Variants in MLF1 observed in about 807,000 individuals in gnomAD.
MLF1 encodes myeloid leukemia factor 1.
MLF1 carries 37 observed loss-of-function variants against 38.3 expected under a neutral mutation model. That is an observed-to-expected ratio of 0.96 (90% CI 0.74 to 1.27). The LOEUF (loss-of-function observed/expected upper bound fraction) is 1.27, where lower values mean the gene tolerates loss of function less well. Among genes scored for constraint, MLF1 ranks in the 50% most tolerant of loss-of-function variants. The pLI is 0.00. For synonymous variants in MLF1, 95 were observed against 106.5 expected (o/e 0.89, Z 0.66); for missense variants, 331 against 349.2 (o/e 0.95, Z 0.42).
At chr3:158,588,632 A>G (rs1717671824) in intron 1 of MLF1, among the ~76,000 whole-genome samples, 2 of 152,036 alleles carry the variant, frequency 1.3e-5, no homozygotes, top group Admixed American at 1.3e-4. Flanking sequence ...AAAGCAGAAA[A>G]AAACTGCCCT....
At chr3:158,602,663 C>A in intron 6 of MLF1, 144 bp from the exon 7 acceptor site, 4 of 609,198 alleles carry the variant, frequency 6.6e-6, no homozygotes, top group Admixed American at 7.2e-5. Context: ...TGTCAAAGAC[C>A]CTTATATTTG....
rs572680119 is a variant in MLF1, at chr3:158,598,001, GTGT to G, written c.325-74_325-72del. The G allele has an allele frequency of 2.4e-4, 343 of 1,419,318 alleles. 5 individuals are homozygous for G. The South Asian group carries it at 3.8e-3, about 16-fold the overall frequency. The allele number at this position is 1,419,318 out of a possible 1,614,324, so 87.9% of individuals were successfully genotyped here. A position where few individuals can be genotyped will look rare whatever the true frequency, so the allele number is the denominator to read the frequency against. On this transcript the variant is annotated intron_variant, in intron 4 of 7. Coordinates refer to ENST00000466246, the MANE Select transcript of MLF1 (RefSeq NM_001369783.1). ...GTATCCTTAGTAGAACTTACAGCTA[GTGT>G]TGTTACTTATTTGAACTCTCTGGCA... is the stretch of plus-strand genomic sequence containing the variant.
In MLF1 at chr3:158,590,093, G is replaced by A. The variant is rs146514718; in HGVS notation, c.48-2341G>A. ...GTGGCTGAATATATTCATGTTAAGAGAATGAAAAAGGCAAGTCCAAGACTG... is the reference window on the plus strand; with the variant it reads ...GTGGCTGAATATATTCATGTTAAGAAAATGAAAAAGGCAAGTCCAAGACTG... On this transcript the variant is annotated intron_variant, in intron 1 of 7. Transcript: ENST00000466246. Among the ~76,000 whole-genome samples the A allele has an allele frequency of 5.6e-3, 850 of 152,174 alleles. 6 individuals are homozygous for A. Among genetic ancestry groups the A allele is most frequent in the African/African-American group, 0.019 (808 of 41,518 alleles).
intron 6 of MLF1, 45 bp downstream of exon 6, chr3:158,600,218 A>C: frequency 7.9e-7 from 1 of 1,261,952 alleles, no homozygotes; most frequent in Non-Finnish European, 1.0e-6. Flanking sequence ...TAAATTTAAA[A>C]TAACAGCCGT....
At chr3:158,580,562 T>G (rs142922709) in intron 1 of MLF1, among the ~76,000 whole-genome samples, 39 of 152,284 alleles carry the variant, frequency 2.6e-4, no homozygotes, top group African/African-American at 9.4e-4. Flanking sequence ...TTTGCTAGAA[T>G]AGTGATTCTC....
chr3:158,590,248 A>ACAAATAAT (rs1466706580), intron 1 of MLF1, among the ~76,000 whole-genome samples: 1 of 152,214 alleles, frequency 6.6e-6, no homozygotes, highest in East Asian at 1.9e-4. Flanking sequence ...TACATGAATG[A>ACAAATAAT]CAAATAATAC....
intron 3 of MLF1, among the ~76,000 whole-genome samples, chr3:158,594,969 TATTC>T (rs1289791648): frequency 1.3e-5 from 2 of 152,160 alleles, no homozygotes; most frequent in African/African-American, 4.8e-5. Flanking sequence ...AGAGATAATT[TATTC>T]ATTCATTCAT....
At chr3:158,588,621 AAAAG>A (rs1560103412) in intron 1 of MLF1, among the ~76,000 whole-genome samples, 2 of 100,708 alleles carry the variant, frequency 2.0e-5, no homozygotes, top group Non-Finnish European at 1.8e-5. Flanking sequence ...AAAAAAAAAA[AAAAG>A]CAGAAAAAAA....
chr3:158,589,635 TTTAAAA>T lies in MLF1; in HGVS notation c.48-2786_48-2781del, dbSNP rs1169788818. ...AAAGAGGAGTGAGACTTTTGTATATTTTAAAATTAAAATTAAAAAACTTGTATTAGT... is the reference window on the plus strand; with the variant it reads ...AAAGAGGAGTGAGACTTTTGTATATTTTAAAATTAAAAAACTTGTATTAGT... On this transcript the variant is annotated intron_variant, in intron 1 of 7. Transcript: ENST00000466246. Among the ~76,000 whole-genome samples, 7 of 152,232 alleles carry T rather than the reference TTTAAAA, an allele frequency of 4.6e-5. No individual in the cohort carries two copies. In the South Asian group the frequency reaches 6.2e-4, roughly 13 times the overall value.
At position 158,600,000 on chromosome 3, in the gene MLF1, C is replaced by A. The variant is rs752512227; in HGVS notation, c.454-14C>A. ...ATATATTTAAATAATAATAAAATTT[C>A]TTTATTTTTACAGATAAAGGAAACC... On this transcript the variant is annotated splice_polypyrimidine_tract_variant and intron_variant, in intron 5 of 7. Transcript: ENST00000466246. 5.4e-6 allele frequency: 7 copies of A among 1,300,140 alleles called. No individual in the cohort carries two copies. In the African/African-American group the frequency reaches 6.2e-5, roughly 11 times the overall value. The allele number at this position is 1,300,140 out of a possible 1,614,324, so 80.5% of individuals were successfully genotyped here.
chr3:158,601,200 C>T (rs574181987), intron 6 of MLF1, among the ~76,000 whole-genome samples: 285 of 151,324 alleles, frequency 1.9e-3, no homozygotes, highest in Non-Finnish European at 2.1e-3. Flanking sequence ...TTTGAGAGGC[C>T]GAGGCAGGTA....
intron 4 of MLF1, among the ~76,000 whole-genome samples, chr3:158,597,400 G>A (rs145749268): frequency 1.3e-5 from 2 of 152,024 alleles, no homozygotes; most frequent in Non-Finnish European, 2.9e-5. Context: ...AAGAGTTTCA[G>A]GGTTTTATAA....
At chr3:158,596,387 A>C (rs903448202) in intron 3 of MLF1, among the ~76,000 whole-genome samples, 1 of 152,114 alleles carries the variant, frequency 6.6e-6, no homozygotes, top group African/African-American at 2.4e-5. Flanking sequence ...TACTTACTCG[A>C]GGGACAACTT....
chr3:158,578,380 A>AGTGTGTGTGTGTGTGT (rs113149645), intron 1 of MLF1, among the ~76,000 whole-genome samples: 28 of 149,484 alleles, frequency 1.9e-4, no homozygotes, highest in African/African-American at 5.9e-4. Flanking sequence ...AGGCAAAATA[A>AGTGTGTGTGTGTGTGT]GTGTGTGTGT....
Position 158,592,530 on chromosome 3 carries a change from AG to A in MLF1, c.147del (p.Arg50GlufsTer15). On this transcript the variant is annotated frameshift_variant, in exon 2 of 8. Transcript: ENST00000466246. LOFTEE classifies it high-confidence loss of function. ...ACTTGCTCAGTATCTCTGATGGTAG[AG>A]GGAGAGCTCATAATCGTAGAGGACA... is the stretch of plus-strand genomic sequence containing the variant. ...RDLLSISDGR[G>X]RAHNRRGHND... The A allele has an allele frequency of 6.2e-7, 1 of 1,612,582 alleles. No individual in the cohort carries two copies. The highest frequency in any genetic ancestry group is 8.5e-7 in the Non-Finnish European group (1 of 1,179,604).
At chr3:158,589,499 C>T (rs112848609) in intron 1 of MLF1, among the ~76,000 whole-genome samples, 4 of 152,118 alleles carry the variant, frequency 2.6e-5, no homozygotes, top group South Asian at 4.1e-4. Flanking sequence ...CATGAGCCAC[C>T]GCGCCCAGCC....
chr3:158,592,635 A>G, intron 2 of MLF1, 54 bp downstream of exon 2: 2 of 1,398,152 alleles, frequency 1.4e-6, no homozygotes, highest in Non-Finnish European at 2.0e-6. Context: ...GAATTTGAAG[A>G]AAAGTATTAC....
chr3:158,602,660 G>A (rs561416888), intron 6 of MLF1, 147 bp from the exon 7 acceptor site: 2 of 586,424 alleles, frequency 3.4e-6, no homozygotes, highest in East Asian at 6.1e-5. Flanking sequence ...TTTTGTCAAA[G>A]ACCCTTATAT....
rs371659390 is a variant in MLF1 at position 158,592,463 on chromosome 3, T to C, written c.77T>C (p.Met26Thr). 4.3e-6 allele frequency: 7 copies of C among 1,610,380 alleles called. No homozygotes were observed. The highest frequency in any genetic ancestry group is 1.1e-5 in the South Asian group (1 of 90,644). Residue 26 changes from methionine (M) to threonine (T), a missense_variant, in exon 2 of 8, where the codon ATG becomes ACG. Physicochemically the swap from Met to Thr is moderately conservative, Grantham distance 81. Transcript: ENST00000466246. The part of the protein sequence containing the change: ...SESILAHREN[M>T]RQMIRSFSEP... ...TCCATTCTTGCACACCGAGAAAATATGCGACAGATGATAAGAAGTTTTTCT... is the reference window on the plus strand; with the variant it reads ...TCCATTCTTGCACACCGAGAAAATACGCGACAGATGATAAGAAGTTTTTCT...
Sources: gnomAD v4.1 joint callset for allele counts (sites outside exome capture counted in the v4.1 genomes callset) on GRCh38, gnomAD v4.1.1 for gene constraint, MANE v1.5 for transcripts, NCBI Gene and HGNC (gene_info 2026-07-23, HGNC 2026-07-21) for gene names.